The following PCDHGA12 variants were observed in gnomAD, a reference collection of about 807,000 sequenced individuals.
PCDHGA12 encodes the protein protocadherin gamma subfamily A, 12.
Under a neutral mutation model 61.1 loss-of-function variants are expected in PCDHGA12, and 43 were observed. The observed-to-expected ratio is 0.70, with a 90% CI of 0.55 to 0.91. The LOEUF is 0.91. Ranked by LOEUF, PCDHGA12 falls within the 40% of genes least tolerant of loss-of-function variation. The pLI is 0.00. For synonymous variants in PCDHGA12, 520 were observed against 542.9 expected (o/e 0.96, Z 0.59); for missense variants, 1,236 against 1,227.7 (o/e 1.01, Z -0.10).
Position 141,505,441 on chromosome 5 carries a change from C to A in PCDHGA12, c.2532C>A (p.Asp844Glu), listed in dbSNP as rs2099846055. 6.2e-7 allele frequency: 1 copy of A among 1,614,084 alleles called. No individual in the cohort carries two copies. Among genetic ancestry groups the A allele is most frequent in the Non-Finnish European group, 8.5e-7 (1 of 1,180,024 alleles). Reference sequence around the variant, plus strand: ...GCACCTGGCCCAACAACCAGTTTGACACAGAGATGCTGCAAGCCATGATCT... The same window carrying A: ...GCACCTGGCCCAACAACCAGTTTGAAACAGAGATGCTGCAAGCCATGATCT... ...DTGTWPNNQFDTEMLQAMILA... is the reference protein window; with the variant it reads ...DTGTWPNNQFETEMLQAMILA... Residue 844 changes from aspartate to glutamate, a missense_variant, in exon 3 of 4, where the codon GAC becomes GAA. Transcript: ENST00000252085.
Position 141,486,676 on chromosome 5 carries a change from T to A in PCDHGA12, c.2425-8131T>A, listed in dbSNP as rs375080564. On this transcript the variant is annotated intron_variant, in intron 1 of 3. Coordinates refer to ENST00000252085, the MANE Select transcript of PCDHGA12 (RefSeq NM_003735.3). This position sits in a 1 kb window ranked among gnomAD's most constrained non-coding sequence, Gnocchi z 5.0. ...CACTCCTGGAGCCCAGGAATCGAGA[T>A]GTATCAGCTTCCTCTTTCATCTCTC... 3 of 1,614,002 alleles carry A rather than the reference T, an allele frequency of 1.9e-6. No homozygotes were observed. The highest frequency in any genetic ancestry group is 2.5e-6 in the Non-Finnish European group (3 of 1,180,036).
intron 1 of PCDHGA12, among the ~76,000 whole-genome samples, chr5:141,457,900 A>C (rs2098931922): frequency 6.7e-6 from 1 of 149,818 alleles, no homozygotes; most frequent in Admixed American, 6.6e-5. Context: ...CTGTGTAGAC[A>C]AGGTGTGAGG....
At chr5:141,478,832 G>A in intron 1 of PCDHGA12, 1 of 1,435,464 alleles carries the variant, frequency 7.0e-7, no homozygotes, top group South Asian at 1.5e-5. Context: ...TCTTGCTAAG[G>A]GATGGTTAAG....
intron 1 of PCDHGA12, among the ~76,000 whole-genome samples, chr5:141,446,128 G>A (rs1242643475): frequency 3.3e-5 from 5 of 152,188 alleles, no homozygotes; most frequent in Non-Finnish European, 7.3e-5. Flanking sequence ...GGTTCAATAA[G>A]ACTTAATAAT....
chr5:141,496,766 CT>C (rs1361332988), intron 2 of PCDHGA12, among the ~76,000 whole-genome samples: 1 of 152,068 alleles, frequency 6.6e-6, no homozygotes, highest in Non-Finnish European at 1.5e-5. Context: ...TATCGAGCAT[CT>C]ACTATGAGCA....
chr5:141,438,344 C>A (rs1591501799), intron 1 of PCDHGA12, among the ~76,000 whole-genome samples: 1 of 151,664 alleles, frequency 6.6e-6, no homozygotes, highest in African/African-American at 2.4e-5. Flanking sequence ...ATATAAGGAT[C>A]TACTCTGTGT....
At position 141,476,923 on chromosome 5, in the gene PCDHGA12, G is replaced by A. The variant is rs368207814; in HGVS notation, c.2425-17884G>A. On this transcript the variant is annotated intron_variant, in intron 1 of 3. Transcript: ENST00000252085. This position sits in a 1 kb window ranked among gnomAD's most constrained non-coding sequence, Gnocchi z 7.6. ...CGCGCGTGGTACAAGTCCTTGCAAC[G>A]GATCTGGATGAAGGCCCCAACGGTG... The A allele has an allele frequency of 5.0e-6, 8 of 1,614,024 alleles. No individual in the cohort carries two copies. Among genetic ancestry groups the A allele is most frequent in the African/African-American group, 4.0e-5 (3 of 74,952 alleles).
At position 141,432,834 on chromosome 5, in the gene PCDHGA12, A is replaced by G; in HGVS notation, c.2075A>G (p.Tyr692Cys). 6.2e-7 allele frequency: 1 copy of G among 1,614,082 alleles called. No homozygotes were observed. The highest frequency in any genetic ancestry group is 8.5e-7 in the Non-Finnish European group (1 of 1,179,978). ...TCTGAAACCTCAGACCTCACTCTGTACCTGGTGGTAGCGGTGGCCGCGGTC... is the reference window on the plus strand; with the variant it reads ...TCTGAAACCTCAGACCTCACTCTGTGCCTGGTGGTAGCGGTGGCCGCGGTC... Reference protein sequence around the residue: ...ANSETSDLTLYLVVAVAAVSC... With the variant: ...ANSETSDLTLCLVVAVAAVSC... The change falls in exon 1 of 4, where the codon TAC becomes TGC. Residue 692 changes from tyrosine (Y) to cysteine (C), a missense_variant. Physicochemically the swap from Tyr to Cys is radical, Grantham distance 194. Transcript: ENST00000252085. This position sits in a 1 kb window ranked among gnomAD's most constrained non-coding sequence, Gnocchi z 6.0.
At chr5:141,456,306 G>C (rs937409031) in intron 1 of PCDHGA12, among the ~76,000 whole-genome samples, 1 of 152,158 alleles carries the variant, frequency 6.6e-6, no homozygotes, top group Non-Finnish European at 1.5e-5. Context: ...GAGAACAGCA[G>C]CTAGGGCTCC....
At position 141,512,350 on chromosome 5, in the gene PCDHGA12, G is replaced by C. The variant is rs1406428686; in HGVS notation, c.*1177G>C. ...CCATTCTTAGTCCCTGGGTTGGGGA[G>C]GCAGGGAGCTAGGGCAGGGACCAAA... is the stretch of plus-strand genomic sequence containing the variant. On this transcript the variant is annotated 3_prime_UTR_variant, in exon 4 of 4. Transcript: ENST00000252085. The C allele has an allele frequency of 6.5e-6, 1 of 152,906 alleles. No homozygotes were observed. The highest frequency in any genetic ancestry group is 1.9e-4 in the East Asian group (1 of 5,208). 9.5% of individuals were successfully genotyped at this position (152,906 alleles called of 1,614,324 possible).
chr5:141,492,386 G>C (rs1343104703), intron 1 of PCDHGA12, among the ~76,000 whole-genome samples: 1 of 152,202 alleles, frequency 6.6e-6, no homozygotes, highest in African/African-American at 2.4e-5. Context: ...GCCTGTTCCG[G>C]TCCACTCGCA....
chr5:141,444,893 G>T (rs1238224263), intron 1 of PCDHGA12, among the ~76,000 whole-genome samples: 1 of 152,160 alleles, frequency 6.6e-6, no homozygotes, highest in Admixed American at 6.5e-5. Flanking sequence ...TTTTGAATGG[G>T]ATGGCATTGC....
At chr5:141,437,197 G>A (rs535640562) in intron 1 of PCDHGA12, among the ~76,000 whole-genome samples, 69 of 152,330 alleles carry the variant, frequency 4.5e-4, no homozygotes, top group Non-Finnish European at 7.8e-4. Flanking sequence ...GGGTTTGGAT[G>A]TGTTTACATT....
At position 141,487,152 on chromosome 5, in the gene PCDHGA12, C is replaced by T. The variant is rs772254681; in HGVS notation, c.2425-7655C>T. On this transcript the variant is annotated intron_variant, in intron 1 of 3. Coordinates refer to ENST00000252085, the MANE Select transcript of PCDHGA12 (RefSeq NM_003735.3). The surrounding 1 kb of genome is among the most constrained non-coding windows in gnomAD (Gnocchi z 5.0). ...AGTCCACCACTCTCTACCTCTGTTA[C>T]TCTCTTAGTGTCCTTAGAGGAAGAC... 3.7e-6 allele frequency: 6 copies of T among 1,613,860 alleles called. No homozygotes were observed. Among genetic ancestry groups the T allele is most frequent in the Non-Finnish European group, 5.1e-6 (6 of 1,179,828 alleles).
chr5:141,478,221 C>A, intron 1 of PCDHGA12: 1 of 1,614,122 alleles, frequency 6.2e-7, no homozygotes, highest in Non-Finnish European at 8.5e-7. Context: ...ATCCTGGTTT[C>A]TGTGGGGTTT....
intron 1 of PCDHGA12, among the ~76,000 whole-genome samples, chr5:141,446,315 G>A (rs556077331): frequency 6.6e-6 from 1 of 152,188 alleles, no homozygotes; most frequent in East Asian, 1.9e-4. Context: ...TGATTCCTGG[G>A]TTTCCACATT....
intron 1 of PCDHGA12, among the ~76,000 whole-genome samples, chr5:141,450,223 G>A (rs1458841129): frequency 2.0e-5 from 3 of 151,818 alleles, no homozygotes; most frequent in Non-Finnish European, 4.4e-5. Context: ...TCACTATGTT[G>A]GCCAGGCTAG....
chr5:141,499,582 T>C (rs952280239), intron 2 of PCDHGA12, among the ~76,000 whole-genome samples: 7 of 152,164 alleles, frequency 4.6e-5, no homozygotes, highest in African/African-American at 7.2e-5. Flanking sequence ...TAATGCCTTA[T>C]CTTGTTTCAC....
Position 141,476,383 on chromosome 5 carries a change from C to G in PCDHGA12, c.2425-18424C>G, listed in dbSNP as rs547854431. ...GGGAGACCGGAGAGATGTTTGTGAACGACCGTCTGGATCGAGAGGAGCTGT... is the reference window on the plus strand; with the variant it reads ...GGGAGACCGGAGAGATGTTTGTGAAGGACCGTCTGGATCGAGAGGAGCTGT... On this transcript the variant is annotated intron_variant, in intron 1 of 3. Transcript: ENST00000252085. The surrounding 1 kb of genome is among the most constrained non-coding windows in gnomAD (Gnocchi z 7.6). 1.2e-6 allele frequency: 2 copies of G among 1,614,102 alleles called. No homozygotes were observed. Among genetic ancestry groups the G allele is most frequent in the Middle Eastern group, 3.3e-4 (2 of 6,062 alleles).
Sources: gnomAD v4.1 joint callset for allele counts (sites outside exome capture counted in the v4.1 genomes callset) on GRCh38, gnomAD v4.1.1 for gene constraint, Gnocchi (gnomAD v3.1) non-coding constraint, MANE v1.5 for transcripts, NCBI Gene and HGNC (gene_info 2026-07-23, HGNC 2026-07-21) for gene names.